MRPS27: variants seen among roughly 807,000 people sequenced by gnomAD.
MRPS27 encodes small ribosomal subunit protein mS27.
In MRPS27, 43 loss-of-function variants were observed where a neutral mutation model predicts 48.9. That is an observed-to-expected ratio of 0.88 (90% confidence interval 0.69 to 1.13). The LOEUF is 1.13. Among genes scored for constraint, MRPS27 ranks in the 50% most tolerant of loss-of-function variants. The pLI is 0.00. For synonymous variants in MRPS27, 188 were observed against 171.9 expected (o/e 1.09, Z -0.73); for missense variants, 467 against 476.3 (o/e 0.98, Z 0.18).
At chr5:72,249,243 G>C (rs994517272) in intron 4 of MRPS27, among the ~76,000 whole-genome samples, 10 of 152,214 alleles carry the variant, frequency 6.6e-5, no homozygotes, top group African/African-American at 2.4e-4. Flanking sequence ...CAACAGAATG[G>C]AGCATTTGAT....
intron 4 of MRPS27, among the ~76,000 whole-genome samples, chr5:72,243,955 G>A (rs1447143637): frequency 6.6e-6 from 1 of 152,104 alleles, no homozygotes; most frequent in Non-Finnish European, 1.5e-5. Flanking sequence ...GTCAATTTAA[G>A]CAAATTTTAT....
chr5:72,307,614 G>T (rs1245123405), intron 2 of MRPS27, among the ~76,000 whole-genome samples: 1 of 152,060 alleles, frequency 6.6e-6, no homozygotes, highest in Non-Finnish European at 1.5e-5. Context: ...TTGAAGCCAG[G>T]TGATGGGTAA....
chr5:72,241,936 A>T (rs1419688094), intron 4 of MRPS27, among the ~76,000 whole-genome samples: 1 of 152,246 alleles, frequency 6.6e-6, no homozygotes, highest in Non-Finnish European at 1.5e-5. Flanking sequence ...GAAAAGAGAA[A>T]CAAATACAAC....
intron 4 of MRPS27, among the ~76,000 whole-genome samples, chr5:72,268,067 G>C (rs1394542987): frequency 6.6e-6 from 1 of 152,096 alleles, no homozygotes; most frequent in Non-Finnish European, 1.5e-5. Context: ...TGTGCACCAA[G>C]ATCAGCCTCA....
chr5:72,276,033 G>T (rs1035342119), intron 4 of MRPS27, among the ~76,000 whole-genome samples: 2 of 151,816 alleles, frequency 1.3e-5, no homozygotes, highest in Non-Finnish European at 2.9e-5. Context: ...GTGTGTGTGG[G>T]GGGGGTACTA....
Position 72,320,197 on chromosome 5 carries a change from C to T in MRPS27, c.25G>A (p.Gly9Arg). 1.2e-6 allele frequency: 2 copies of T among 1,613,942 alleles called. No individual in the cohort carries two copies. The highest frequency in any genetic ancestry group is 1.7e-6 in the Non-Finnish European group (2 of 1,179,898). The stretch of plus-strand genomic sequence containing the variant: ...ACCACTTGCCGCGCCAGGAGCATCC[C>T]GCGCCGCACTATGGAGGCAGCCATC... MAASIVRR[G>R]MLLARQVVLP... Residue 9 changes from glycine to arginine, a missense_variant, in exon 1 of 11, where the codon GGG becomes AGG. Physicochemically the swap from Gly to Arg is moderately radical, Grantham distance 125 (BLOSUM62 -2). Transcript: ENST00000261413.
chr5:72,228,100 T>C, intron 8 of MRPS27, 166 bp downstream of exon 8: 2 of 639,932 alleles, frequency 3.1e-6, no homozygotes, highest in South Asian at 4.0e-5. Context: ...CTTTACTCTC[T>C]TATGGAGTAA....
chr5:72,225,777 AG>A (rs1747876492), intron 9 of MRPS27, among the ~76,000 whole-genome samples: 3 of 136,864 alleles, frequency 2.2e-5, no homozygotes, highest in African/African-American at 9.0e-5. Flanking sequence ...GTTCCCACTG[AG>A]ATTTTTTTTT....
intron 4 of MRPS27, among the ~76,000 whole-genome samples, chr5:72,254,527 A>G (rs1748746354): frequency 6.6e-6 from 1 of 152,220 alleles, no homozygotes; most frequent in East Asian, 1.9e-4. Context: ...CTGGAATTAT[A>G]TATGTGGAGC....
In MRPS27 at chr5:72,284,069, T is replaced by C. The variant is rs563634925; in HGVS notation, c.281+11462A>G. 4.6e-5 allele frequency among the ~76,000 whole-genome samples: 7 copies of C among 152,228 alleles called. No homozygotes were observed. The South Asian group carries it at 1.4e-3, about 32-fold the overall frequency. On this transcript the variant is annotated intron_variant, in intron 4 of 10. Coordinates refer to ENST00000261413, the MANE Select transcript of MRPS27 (RefSeq NM_015084.3). Reference sequence around the variant, plus strand: ...TCTTTCTGAAATACTTTTATTATGATATATACTTCTTAAGAATCTGCAGAT... The same window carrying C: ...TCTTTCTGAAATACTTTTATTATGACATATACTTCTTAAGAATCTGCAGAT...
chr5:72,297,093 G>A (rs1250225540), intron 3 of MRPS27, among the ~76,000 whole-genome samples: 1 of 152,166 alleles, frequency 6.6e-6, no homozygotes, highest in African/African-American at 2.4e-5. Flanking sequence ...ACTGTTTATT[G>A]CATAGGGAGC....
rs750062106 is a variant in MRPS27, at chr5:72,238,068, C to T, written c.342G>A (p.Arg114=). The T allele has an allele frequency of 6.2e-7, 1 of 1,613,566 alleles. No individual in the cohort carries two copies. The highest frequency in any genetic ancestry group is 1.7e-5 in the Admixed American group (1 of 59,950). ...LRNWTIHTWI[R]QCLKYDAQDK... ...CTTGTGCATCATATTTTAGACACTGCCTAATCCAGGTGTGGATAGTCCAGT... is the reference window on the plus strand; with the variant it reads ...CTTGTGCATCATATTTTAGACACTGTCTAATCCAGGTGTGGATAGTCCAGT... Residue 114 remains arginine (R), a synonymous_variant, in exon 5 of 11, where the codon AGG becomes AGA. Coordinates refer to ENST00000261413, the MANE Select transcript of MRPS27 (RefSeq NM_015084.3).
chr5:72,282,616 G>A (rs1273430995), intron 4 of MRPS27, among the ~76,000 whole-genome samples: 2 of 152,058 alleles, frequency 1.3e-5, no homozygotes, highest in Non-Finnish European at 2.9e-5. Context: ...ATTTACAAAT[G>A]GTTCTGTAGC....
intron 6 of MRPS27, among the ~76,000 whole-genome samples, chr5:72,233,751 GA>G (rs961793665): frequency 1.4e-3 from 207 of 148,274 alleles, no homozygotes; most frequent in African/African-American, 4.8e-3. Context: ...AAATTCAGTT[GA>G]AAAAAAAAAT....
At chr5:72,260,969 T>C (rs1748950352) in intron 4 of MRPS27, among the ~76,000 whole-genome samples, 1 of 152,172 alleles carries the variant, frequency 6.6e-6, no homozygotes, top group African/African-American at 2.4e-5. Flanking sequence ...GTTCAAGTGA[T>C]TCTCATGCCT....
chr5:72,264,134 A>C (rs1580081062), intron 4 of MRPS27, among the ~76,000 whole-genome samples: 1 of 152,234 alleles, frequency 6.6e-6, no homozygotes, highest in East Asian at 1.9e-4. Context: ...GAAAGAAGCC[A>C]GACACAAAGG....
intron 4 of MRPS27, among the ~76,000 whole-genome samples, chr5:72,242,305 G>A (rs1471454800): frequency 6.6e-6 from 1 of 151,780 alleles, no homozygotes; most frequent in Non-Finnish European, 1.5e-5. Flanking sequence ...ATTCAAGACT[G>A]ATGTTACCAG....
chr5:72,224,946 A>C (rs957732071), intron 9 of MRPS27, among the ~76,000 whole-genome samples: 2 of 152,204 alleles, frequency 1.3e-5, no homozygotes, highest in African/African-American at 4.8e-5. Context: ...AATCCTAAAA[A>C]TATGCCAAGG....
intron 4 of MRPS27, among the ~76,000 whole-genome samples, chr5:72,282,756 G>A (rs1399085959): frequency 6.6e-6 from 1 of 152,094 alleles, no homozygotes; most frequent in Non-Finnish European, 1.5e-5. Context: ...TTACCTAGAG[G>A]ATAAATAAGA....
Sources: allele counts gnomAD v4.1 joint callset (sites outside exome capture counted in the v4.1 genomes callset), GRCh38; gene constraint gnomAD v4.1.1; transcripts MANE v1.5; gene names NCBI Gene and HGNC (gene_info 2026-07-23, HGNC 2026-07-21).